LPP: variants seen among roughly 807,000 people sequenced by gnomAD.
LPP encodes the protein lipoma-preferred partner.
A neutral mutation model predicts 60.4 loss-of-function variants in LPP; 38 were observed. The observed-to-expected ratio is 0.63, with a 90% confidence interval of 0.49 to 0.83. The LOEUF (loss-of-function observed/expected upper bound fraction) is 0.83, where lower values mean the gene tolerates loss of function less well. Among genes scored for constraint, LPP ranks in the 40% least tolerant of loss-of-function variants. The pLI is 0.00. For missense variants in LPP, 902 were observed against 783.6 expected, an observed-to-expected ratio of 1.15 and a Z score of -1.80; for synonymous variants, 328 against 290.8, an observed-to-expected ratio of 1.13 and a Z score of -1.30.
chr3:188,488,828 G>A (rs1250781177), intron 5 of LPP, among the ~76,000 whole-genome samples: 2 of 151,948 alleles, frequency 1.3e-5, no homozygotes, highest in Admixed American at 6.6e-5. Context: ...CGGTAGAGAT[G>A]GGGTTTCACT....
intron 1 of LPP, among the ~76,000 whole-genome samples, chr3:188,171,869 T>C (rs1343182553): frequency 2.6e-5 from 4 of 152,186 alleles, no homozygotes; most frequent in Admixed American, 2.6e-4. Flanking sequence ...AGCCTGCATG[T>C]TTCATTTCAC....
intron 1 of LPP, among the ~76,000 whole-genome samples, chr3:188,171,842 G>T (rs1217711246): frequency 6.6e-6 from 1 of 152,154 alleles, no homozygotes; most frequent in Non-Finnish European, 1.5e-5. Flanking sequence ...AGCTTATTTT[G>T]CAGGCCTTGA....
chr3:188,863,039 T>G (rs1765656098), intron 9 of LPP, among the ~76,000 whole-genome samples: 1 of 152,120 alleles, frequency 6.6e-6, no homozygotes, highest in Non-Finnish European at 1.5e-5. Flanking sequence ...TCTAGAATTA[T>G]CAGTGGAGGT....
chr3:188,440,909 T>C (rs1032605776), intron 4 of LPP, among the ~76,000 whole-genome samples: 13 of 151,642 alleles, frequency 8.6e-5, no homozygotes, highest in Non-Finnish European at 1.5e-5. Context: ...AAGAAAATTG[T>C]ATGATAATGA....
At chr3:188,704,981 C>G (rs557536085) in intron 7 of LPP, among the ~76,000 whole-genome samples, 1 of 152,268 alleles carries the variant, frequency 6.6e-6, no homozygotes, top group African/African-American at 2.4e-5. Flanking sequence ...TCACACCAAA[C>G]TACGTCTCAA....
chr3:188,760,407 G>GTGTGTGT, intron 9 of LPP, 125 bp downstream of exon 9: 1 of 538,542 alleles, frequency 1.9e-6, no homozygotes, highest in South Asian at 1.9e-5. Context: ...ATGTGTGTGT[G>GTGTGTGT]GGGTGTGTGT....
At chr3:188,191,066 C>T (rs972510301) in intron 1 of LPP, among the ~76,000 whole-genome samples, 3 of 152,116 alleles carry the variant, frequency 2.0e-5, no homozygotes, top group Non-Finnish European at 4.4e-5. Flanking sequence ...CCCATCTCTA[C>T]TAAAAATACA....
rs1342207321 is a variant in LPP, at chr3:188,495,082, A to ATATATTTTTT, written c.306+10379_306+10380insATATTTTTTT. Among the ~76,000 whole-genome samples the ATATATTTTTT allele has an allele frequency of 1.3e-3, 129 of 97,240 alleles. 3 individuals are homozygous for ATATATTTTTT. Among genetic ancestry groups the ATATATTTTTT allele is most frequent in the African/African-American group, 4.9e-3 (124 of 25,078 alleles). The allele number at this position is 97,240 out of a possible 152,430, so 63.8% of individuals were successfully genotyped here. On this transcript the variant is annotated intron_variant, in intron 5 of 11. Coordinates refer to ENST00000617246, the MANE Select transcript of LPP (RefSeq NM_001375462.1). ...CAGGATTTTATATATATATATATAT[A>ATATATTTTTT]TTTTATTTATATTTTATTATATATT...
rs1036749761 is a variant in LPP, at chr3:188,352,965, G to A, written c.-10+11246G>A. ...ATCAGATTCCGCAGATGGGTTCCTT[G>A]AGAAGTGAGTGCTTAAAGGGGCTGG... On this transcript the variant is annotated intron_variant, in intron 3 of 11. Transcript: ENST00000617246. This position sits in a 1 kb window ranked among gnomAD's most constrained non-coding sequence, Gnocchi z 4.4. 6.6e-6 allele frequency among the ~76,000 whole-genome samples: 1 copy of A among 152,172 alleles called. No individual in the cohort carries two copies. Among genetic ancestry groups the A allele is most frequent in the African/African-American group, 2.4e-5 (1 of 41,452 alleles).
chr3:188,623,048 G>A (rs6767092), intron 7 of LPP, among the ~76,000 whole-genome samples: 11,785 of 52,220 alleles, frequency 0.23, 784 homozygotes, highest in East Asian at 0.31. Context: ...AAAAAAAAAA[G>A]AGAGAGCTAA....
chr3:188,836,558 G>T (rs13315356), intron 9 of LPP, among the ~76,000 whole-genome samples: 1 of 152,172 alleles, frequency 6.6e-6, no homozygotes, highest in Non-Finnish European at 1.5e-5. Context: ...CTCTGCACAC[G>T]ATGGAGGCTC....
At chr3:188,781,300 T>C (rs972433663) in intron 9 of LPP, among the ~76,000 whole-genome samples, 73 of 152,222 alleles carry the variant, frequency 4.8e-4, no homozygotes, top group Non-Finnish European at 4.3e-4. Flanking sequence ...AGAGACTGGA[T>C]GACCACTCTT....
intron 2 of LPP, among the ~76,000 whole-genome samples, chr3:188,297,999 TTAAAG>T (rs1412678762): frequency 2.6e-4 from 40 of 152,368 alleles, no homozygotes; most frequent in African/African-American, 8.9e-4. Context: ...TCAACAATAA[TTAAAG>T]TAATTTACAG....
intron 7 of LPP, among the ~76,000 whole-genome samples, chr3:188,619,118 G>A (rs1395022620): frequency 2.6e-5 from 4 of 152,068 alleles, no homozygotes; most frequent in Admixed American, 6.5e-5. Flanking sequence ...TCTGCCTCCC[G>A]GGTTCAAGTG....
At chr3:188,500,528 C>T (rs574833852) in intron 5 of LPP, among the ~76,000 whole-genome samples, 1 of 152,030 alleles carries the variant, frequency 6.6e-6, no homozygotes, top group Non-Finnish European at 1.5e-5. Context: ...GGATATTGTT[C>T]TGTACTTTTC....
chr3:188,573,921 A>G (rs1311248946), intron 6 of LPP, among the ~76,000 whole-genome samples: 1 of 152,170 alleles, frequency 6.6e-6, no homozygotes, highest in Admixed American at 6.6e-5. Context: ...TTCATAGGAC[A>G]TTCTTGTAAT....
At chr3:188,368,682 T>TCA (rs1289084950) in intron 3 of LPP, among the ~76,000 whole-genome samples, 228 of 129,494 alleles carry the variant, frequency 1.8e-3, no homozygotes, top group African/African-American at 6.0e-3. Flanking sequence ...ACACACACTC[T>TCA]CACACACACA....
At position 188,889,417 on chromosome 3, in the gene LPP, C is replaced by T. The variant is rs1369081948; in HGVS notation, c.*14938C>T. The T allele has an allele frequency of 4.3e-6, 1 of 231,580 alleles. No homozygotes were observed. Among genetic ancestry groups the T allele is most frequent in the African/African-American group, 2.2e-5 (1 of 45,246 alleles). The allele number at this position is 231,580 out of a possible 1,614,324, so 14.3% of individuals were successfully genotyped here. A position where few individuals can be genotyped will look rare whatever the true frequency, so the allele number is the denominator to read the frequency against. ...CCAAAAAAGATCGTTCTCAATGTGTCGTCTGACTCAACCAGCTGGCAGATT... is the reference window on the plus strand; with the variant it reads ...CCAAAAAAGATCGTTCTCAATGTGTTGTCTGACTCAACCAGCTGGCAGATT... On this transcript the variant is annotated 3_prime_UTR_variant, in exon 12 of 12. Transcript: ENST00000617246.
At chr3:188,566,101 C>T (rs1293116574) in intron 6 of LPP, among the ~76,000 whole-genome samples, 2 of 151,944 alleles carry the variant, frequency 1.3e-5, no homozygotes, top group African/African-American at 2.4e-5. Context: ...TTTATATTCT[C>T]AATAACTTCC....
Sources: gnomAD v4.1 joint callset for allele counts (sites outside exome capture counted in the v4.1 genomes callset) on GRCh38, gnomAD v4.1.1 for gene constraint, Gnocchi (gnomAD v3.1) non-coding constraint, MANE v1.5 for transcripts, NCBI Gene and HGNC (gene_info 2026-07-23, HGNC 2026-07-21) for gene names.